Variants in PBRM1 observed in about 807,000 individuals in gnomAD.
PBRM1 encodes polybromo 1, also known as protein polybromo-1.
PBRM1 carries 27 observed loss-of-function variants against 194.5 expected under a neutral mutation model. That is an observed-to-expected ratio of 0.14 (90% CI 0.10 to 0.19). PBRM1 has a LOEUF of 0.19. Among genes scored for constraint, PBRM1 ranks in the 10% least tolerant of loss-of-function variants. The pLI, the probability that PBRM1 is intolerant of heterozygous loss-of-function variation, is 1.00. For synonymous variants in PBRM1, 655 were observed against 693.2 expected (o/e 0.94, Z 0.87); for missense variants, 1,466 against 2,077.2 (o/e 0.71, Z 5.72).
Position 52,556,860 on chromosome 3 carries a change from C to T in PBRM1, c.4453+1389G>A, listed in dbSNP as rs535001985. Reference sequence around the variant, plus strand: ...ATGGAGCAGGGGCTTTCTAGAGGGACCACCTTCCTCATCCATAGAGTTCTA... The same window carrying T: ...ATGGAGCAGGGGCTTTCTAGAGGGATCACCTTCCTCATCCATAGAGTTCTA... On this transcript the variant is annotated intron_variant, in intron 26 of 29. Transcript: ENST00000296302. Among the ~76,000 whole-genome samples the T allele has an allele frequency of 4.6e-5, 7 of 152,068 alleles. No individual in the cohort carries two copies. The South Asian group carries it at 1.5e-3, about 32-fold the overall frequency.
chr3:52,578,984 G>A (rs1426841007), intron 21 of PBRM1, 70 bp downstream of exon 23: 1 of 1,448,764 alleles, frequency 6.9e-7, no homozygotes, highest in East Asian at 2.3e-5. Flanking sequence ...TCATCCGAAG[G>A]GTGACTAATT....
chr3:52,547,261 T>C, downstream of PBRM1: 1 of 233,152 alleles, frequency 4.3e-6, no homozygotes, highest in East Asian at 6.0e-5. Flanking sequence ...AGATTAAACA[T>C]ACCTCAGGGT....
At chr3:52,635,527 C>T (rs1380673372) in intron 10 of PBRM1, among the ~76,000 whole-genome samples, 2 of 152,098 alleles carry the variant, frequency 1.3e-5, no homozygotes, top group African/African-American at 4.8e-5. Context: ...GATTACACCA[C>T]TGTACTCCAG....
At chr3:52,631,213 G>C (rs2095606461) in intron 11 of PBRM1, among the ~76,000 whole-genome samples, 1 of 152,052 alleles carries the variant, frequency 6.6e-6, no homozygotes, top group South Asian at 2.1e-4. Context: ...ACTCACGCCT[G>C]TAATCCCAGC....
chr3:52,582,497 C>A (rs2091495509), intron 20 of PBRM1, among the ~76,000 whole-genome samples: 1 of 149,776 alleles, frequency 6.7e-6, no homozygotes, highest in Non-Finnish European at 1.5e-5. Flanking sequence ...GCAGCCTCCA[C>A]CTACTGGGTT....
At position 52,548,232 on chromosome 3, in the gene PBRM1, C is replaced by T. The variant is rs375268569; in HGVS notation, c.4901G>A (p.Arg1634Gln). Residue 1634 changes from arginine (R) to glutamine (Q), a missense_variant, in exon 30 of 30, where the codon CGA becomes CAA. Arg to Gln is a conservative substitution (Grantham distance 43). Coordinates refer to ENST00000296302, the Ensembl canonical transcript of PBRM1. ...TTTCGACAAATGGACGTCGCGTCTT[C>T]GAGCTGAAAATTAAAGTACAGAGAG... The T allele has an allele frequency of 1.3e-5, 21 of 1,568,338 alleles. 1 individual carries two copies. The highest frequency in any genetic ancestry group is 4.9e-5 in the South Asian group (4 of 82,382).
chr3:52,615,561 G>A (rs2094909231), intron 14 of PBRM1, 105 bp from the exon 17 acceptor site: 5 of 710,788 alleles, frequency 7.0e-6, no homozygotes, highest in Non-Finnish European at 1.2e-5. Context: ...ATAGTTGGGA[G>A]CTTAAAGAAA....
At chr3:52,583,136 G>C (rs1448589898) in intron 20 of PBRM1, among the ~76,000 whole-genome samples, 1 of 143,096 alleles carries the variant, frequency 7.0e-6, no homozygotes, top group African/African-American at 2.6e-5. Context: ...AGGGGCGGGG[G>C]CGGTGGCTCA....
intron 20 of PBRM1, chr3:52,585,495 A>G (rs1355296464): frequency 6.6e-6 from 1 of 152,226 alleles, no homozygotes; most frequent in African/African-American, 2.4e-5. Flanking sequence ...TTATTAGCAG[A>G]AATATACAGT....
At chr3:52,670,617 T>C (rs1284643644) in intron 2 of PBRM1, among the ~76,000 whole-genome samples, 1 of 152,250 alleles carries the variant, frequency 6.6e-6, no homozygotes, top group Admixed American at 6.5e-5. Context: ...AGCCCTGGTG[T>C]GCAGACAGCC....
chr3:52,620,220 A>G (rs2095211312), intron 13 of PBRM1, among the ~76,000 whole-genome samples: 1 of 152,248 alleles, frequency 6.6e-6, no homozygotes, highest in Non-Finnish European at 1.5e-5. Flanking sequence ...ATTAGAACAC[A>G]GATGACTTTA....
intron 2 of PBRM1, among the ~76,000 whole-genome samples, chr3:52,669,352 A>G (rs975094807): frequency 9.2e-5 from 14 of 152,208 alleles, no homozygotes; most frequent in Admixed American, 8.5e-4. Context: ...TAATGACAAA[A>G]TTTCTTAAAA....
chr3:52,593,567 G>A (rs1476786704), intron 17 of PBRM1, among the ~76,000 whole-genome samples: 1 of 152,186 alleles, frequency 6.6e-6, no homozygotes, highest in Non-Finnish European at 1.5e-5. Flanking sequence ...TGGGTGTTTA[G>A]TGTGATAAAT....
downstream of PBRM1, chr3:52,546,644 A>G (rs2079717173): frequency 4.3e-6 from 1 of 232,268 alleles, no homozygotes; most frequent in Non-Finnish European, 8.5e-6. Flanking sequence ...AAGCTCTACC[A>G]CAATGGCAAT....
At chr3:52,659,913 G>A (rs2096683330) in intron 4 of PBRM1, among the ~76,000 whole-genome samples, 1 of 152,184 alleles carries the variant, frequency 6.6e-6, no homozygotes, top group South Asian at 2.1e-4. Flanking sequence ...CCAACATGGT[G>A]AAACCTCACT....
intron 20 of PBRM1, 156 bp from the exon 23 acceptor site, chr3:52,579,355 G>A: frequency 1.5e-6 from 1 of 657,456 alleles, no homozygotes; most frequent in Non-Finnish European, 2.6e-6. Context: ...GGAGGCCAAG[G>A]CAGGACGATC....
chr3:52,586,447 T>C, exon 20 of PBRM1: 1 of 1,612,702 alleles, frequency 6.2e-7, no homozygotes, highest in Non-Finnish European at 8.5e-7. Flanking sequence ...AAAATTGTCT[T>C]CAGCTCGACT....
exon 4 of PBRM1, chr3:52,662,186 C>T (rs2153925085): frequency 6.2e-7 from 1 of 1,614,112 alleles, no homozygotes; most frequent in Non-Finnish European, 8.5e-7. Context: ...TCATCTTCGT[C>T]ATCTGCTTCT....
At chr3:52,649,211 C>A (rs556132432) in intron 6 of PBRM1, among the ~76,000 whole-genome samples, 3 of 152,140 alleles carry the variant, frequency 2.0e-5, no homozygotes, top group Admixed American at 2.0e-4. Flanking sequence ...CCAACAACTA[C>A]GCATCCTTCT....
Sources: gnomAD v4.1 joint callset for allele counts (sites outside exome capture counted in the v4.1 genomes callset) on GRCh38, gnomAD v4.1.1 for gene constraint, MANE v1.5 for transcripts, NCBI Gene and HGNC (gene_info 2026-07-23, HGNC 2026-07-21) for gene names.